MRC2: variants seen among roughly 807,000 people sequenced by gnomAD.
MRC2 encodes mannose receptor C-type 2.
A neutral mutation model predicts 206.2 loss-of-function variants in MRC2; 84 were observed. That is an observed-to-expected ratio of 0.41 (90% CI 0.34 to 0.49). The LOEUF (loss-of-function observed/expected upper bound fraction) is 0.49. Ranked by LOEUF, MRC2 falls within the 20% of genes least tolerant of loss-of-function variation. The pLI, the probability that MRC2 is intolerant of heterozygous loss-of-function variation, is 0.31. For synonymous variants in MRC2, 798 were observed against 800.0 expected (o/e 1.00, Z 0.04); for missense variants, 1,676 against 2,001.5 (o/e 0.84, Z 3.10).
Position 62,678,606 on chromosome 17 carries a change from G to GCC in MRC2, c.2155_2156insCC (p.Glu719AlafsTer31). ...GCTGCTGAGCCTGGCCAGCTACGAG[G>GCC]AGGAGCACTTTGTGGCCAACATGCT... On this transcript the variant is annotated frameshift_variant, in exon 13 of 30. Coordinates refer to ENST00000303375, the MANE Select transcript of MRC2 (RefSeq NM_006039.5). LOFTEE classifies it high-confidence loss of function. 1 of 1,611,876 alleles carries GCC rather than the reference G, an allele frequency of 6.2e-7. No individual in the cohort carries two copies. Among genetic ancestry groups the GCC allele is most frequent in the South Asian group, 1.1e-5 (1 of 90,864 alleles).
chr17:62,689,817 C>A (rs1214135322), intron 24 of MRC2, 57 bp downstream of exon 24: 31 of 1,532,776 alleles, frequency 2.0e-5, no homozygotes, highest in Non-Finnish European at 2.6e-5. Context: ...CCCCTCCCTG[C>A]CCCTTCCTGC....
At chr17:62,647,486 T>A (rs2088504833) in intron 1 of MRC2, among the ~76,000 whole-genome samples, 1 of 152,000 alleles carries the variant, frequency 6.6e-6, no homozygotes. Flanking sequence ...CGCCCTGCCA[T>A]TTTTGCTTTA....
chr17:62,679,897 G>A lies in MRC2; in HGVS notation c.2293G>A (p.Val765Ile), dbSNP rs2088939312. The A allele has an allele frequency of 1.2e-6, 2 of 1,609,962 alleles. No individual in the cohort carries two copies. Among genetic ancestry groups the A allele is most frequent in the East Asian group, 2.2e-5 (1 of 44,746 alleles). The change falls in exon 14 of 30, where the codon GTA (valine) becomes ATA (isoleucine). Residue 765 changes from valine to isoleucine, a missense_variant. By Grantham distance (29) the Val-to-Ile change is conservative (BLOSUM62 3). Coordinates refer to ENST00000303375, the MANE Select transcript of MRC2 (RefSeq NM_006039.5). ...TCAGAGTTGGCGCTGGAGCGACGGC[G>A]TAGGGGTGAGGGGGCCTGGGGTACT... is the stretch of plus-strand genomic sequence containing the variant. ...GGQSWRWSDG[V>I]GFSYHNFDRS...
At position 62,664,700 on chromosome 17, in the gene MRC2, A is replaced by T; in HGVS notation, c.271A>T (p.Met91Leu). The T allele has an allele frequency of 6.2e-7, 1 of 1,614,040 alleles. No homozygotes were observed. The highest frequency in any genetic ancestry group is 8.5e-7 in the Non-Finnish European group (1 of 1,180,034). ...AAACCGGCTATTCAACCTGGGTACC[A>T]TGCAGTGCCTGGGCACAGGCTGGCC... is the stretch of plus-strand genomic sequence containing the variant. Reference protein sequence around the residue: ...SRNRLFNLGTMQCLGTGWPGT... With the variant: ...SRNRLFNLGTLQCLGTGWPGT... Residue 91 changes from methionine to leucine, a missense_variant, in exon 2 of 30, where the codon ATG becomes TTG. Met to Leu is a conservative substitution (Grantham distance 15). Around this residue, in one of 3 missense-constraint regions of MRC2, gnomAD observed 318 missense variants for 346.7 expected, o/e 0.92. Transcript: ENST00000303375. This position sits in a 1 kb window ranked among gnomAD's most constrained non-coding sequence, Gnocchi z 4.7.
intron 1 of MRC2, among the ~76,000 whole-genome samples, chr17:62,636,386 G>A (rs192743068): frequency 1.6e-4 from 25 of 151,678 alleles, no homozygotes; most frequent in African/African-American, 5.3e-4. Flanking sequence ...TCTACCACTG[G>A]TAGATTCTGT....
chr17:62,660,557 G>A (rs1004042833), intron 1 of MRC2, among the ~76,000 whole-genome samples: 1 of 152,114 alleles, frequency 6.6e-6, no homozygotes, highest in Non-Finnish European at 1.5e-5. Flanking sequence ...TCCCAGAAGG[G>A]CCTCACCTTA....
In MRC2 at chr17:62,679,908, G is replaced by A. The variant is rs1315614210; in HGVS notation, c.2298+6G>A. 1.2e-6 allele frequency: 2 copies of A among 1,610,734 alleles called. No individual in the cohort carries two copies. Among genetic ancestry groups the A allele is most frequent in the Non-Finnish European group, 1.7e-6 (2 of 1,178,804 alleles). On this transcript the variant is annotated splice_donor_region_variant and intron_variant, in intron 14 of 29. Transcript: ENST00000303375. ...GCTGGAGCGACGGCGTAGGGGTGAG[G>A]GGGCCTGGGGTACTTGGGACTGCGA...
chr17:62,664,704 A>G lies in MRC2; in HGVS notation c.275A>G (p.Gln92Arg), dbSNP rs1346104492. The G allele has an allele frequency of 6.2e-7, 1 of 1,614,030 alleles. No homozygotes were observed. Among genetic ancestry groups the G allele is most frequent in the South Asian group, 1.1e-5 (1 of 91,086 alleles). The change falls in exon 2 of 30, where the codon CAG (glutamine) becomes CGG (arginine). Residue 92 changes from glutamine to arginine, a missense_variant. Gln to Arg is a conservative substitution (Grantham distance 43). Coordinates refer to ENST00000303375, the MANE Select transcript of MRC2 (RefSeq NM_006039.5). The surrounding 1 kb of genome is among the most constrained non-coding windows in gnomAD (Gnocchi z 4.7). ...CGGCTATTCAACCTGGGTACCATGC[A>G]GTGCCTGGGCACAGGCTGGCCAGGC... ...RNRLFNLGTM[Q>R]CLGTGWPGTN...
intron 20 of MRC2, among the ~76,000 whole-genome samples, chr17:62,685,439 C>A (rs2089020896): frequency 1.3e-5 from 2 of 152,134 alleles, no homozygotes; most frequent in South Asian, 4.1e-4. Flanking sequence ...TTTCCATCCA[C>A]TTTTTAAACA....
chr17:62,687,493 G>T (rs879351705), intron 20 of MRC2, among the ~76,000 whole-genome samples: 1 of 152,154 alleles, frequency 6.6e-6, no homozygotes, highest in African/African-American at 2.4e-5. Flanking sequence ...CTGCCTCTGA[G>T]CAGAAAATCA....
At chr17:62,687,180 G>A (rs934453577) in intron 20 of MRC2, among the ~76,000 whole-genome samples, 10 of 151,598 alleles carry the variant, frequency 6.6e-5, no homozygotes, top group African/African-American at 2.2e-4. Context: ...TTTCTTTTGA[G>A]ACAGAGTTTC....
At chr17:62,653,950 G>C (rs1180467740) in intron 1 of MRC2, among the ~76,000 whole-genome samples, 1 of 152,166 alleles carries the variant, frequency 6.6e-6, no homozygotes, top group African/African-American at 2.4e-5. Context: ...CTAGCCAGGG[G>C]TGGTGCAGGG....
rs1012930395 is a variant in MRC2, at chr17:62,667,965, T to G, written c.1117+432T>G. Among the ~76,000 whole-genome samples, 3 of 152,142 alleles carry G rather than the reference T, an allele frequency of 2.0e-5. No individual in the cohort carries two copies. The highest frequency in any genetic ancestry group is 4.4e-5 in the Non-Finnish European group (3 of 68,030). ...GGGCCTTTCAAATTGAGTCTAAGTT[T>G]AAAAGATATAAAGAGGTGTGGGGGA... On this transcript the variant is annotated intron_variant, in intron 6 of 29. Transcript: ENST00000303375. This position sits in a 1 kb window ranked among gnomAD's most constrained non-coding sequence, Gnocchi z 4.1.
Position 62,671,984 on chromosome 17 carries a change from T to C in MRC2, c.1307-14T>C. 1.2e-6 allele frequency: 2 copies of C among 1,614,132 alleles called. No individual in the cohort carries two copies. Among genetic ancestry groups the C allele is most frequent in the Non-Finnish European group, 1.7e-6 (2 of 1,179,996 alleles). On this transcript the variant is annotated splice_polypyrimidine_tract_variant and intron_variant, in intron 7 of 29. Transcript: ENST00000303375. The surrounding 1 kb of genome is among the most constrained non-coding windows in gnomAD (Gnocchi z 4.5). ...CAATGTTTTCTCTCCCCTCCTCTCC[T>C]GCTGCACCCCCAGAGGTGGAGGAGC...
At chr17:62,684,240 A>G (rs1192613465) in intron 20 of MRC2, among the ~76,000 whole-genome samples, 1 of 152,210 alleles carries the variant, frequency 6.6e-6, no homozygotes, top group Non-Finnish European at 1.5e-5. Context: ...GAAGTGAAAA[A>G]AGTTCATCCA....
At chr17:62,682,932 C>T (rs535905133) in intron 20 of MRC2, among the ~76,000 whole-genome samples, 2 of 152,040 alleles carry the variant, frequency 1.3e-5, no homozygotes, top group African/African-American at 4.8e-5. Flanking sequence ...TGAGCCACCG[C>T]GCCCGGCCTG....
rs149980208 is a variant in MRC2, at chr17:62,662,531, C to T, written c.119-2017C>T. Among the ~76,000 whole-genome samples the T allele has an allele frequency of 2.6e-4, 39 of 152,304 alleles. No individual in the cohort carries two copies. In the East Asian group the frequency reaches 6.4e-3, roughly 25 times the overall value. ...CTTTACATGTATTATCTCATTTCAT[C>T]GTTACCAGAGTCTTAAGATGAGGAA... On this transcript the variant is annotated intron_variant, in intron 1 of 29. Coordinates refer to ENST00000303375, the MANE Select transcript of MRC2 (RefSeq NM_006039.5).
Position 62,678,707 on chromosome 17 carries a change from G to C in MRC2, c.2195+61G>C, listed in dbSNP as rs116368770. 1.9e-4 allele frequency: 301 copies of C among 1,573,882 alleles called. No individual in the cohort carries two copies. In the African/African-American group the frequency reaches 3.1e-3, roughly 16 times the overall value. On this transcript the variant is annotated intron_variant, in intron 13 of 29. Coordinates refer to ENST00000303375, the MANE Select transcript of MRC2 (RefSeq NM_006039.5). ...CCGCACACGTGTAGGAGCAGGCATG[G>C]CCGACAGACCCTTGGTTTTGTTGGG...
chr17:62,658,226 G>A (rs1456151333), intron 1 of MRC2, among the ~76,000 whole-genome samples: 1 of 152,156 alleles, frequency 6.6e-6, no homozygotes, highest in Non-Finnish European at 1.5e-5. Context: ...GATTTTAAAG[G>A]TTTGTTTGCT....
Sources: allele counts gnomAD v4.1 joint callset (sites outside exome capture counted in the v4.1 genomes callset), GRCh38; gene constraint gnomAD v4.1.1; regional missense constraint gnomAD v4.1.1; non-coding constraint Gnocchi (gnomAD v3.1); transcripts MANE v1.5; gene names NCBI Gene and HGNC (gene_info 2026-07-23, HGNC 2026-07-21).